SNX2: variants seen among roughly 807,000 people sequenced by gnomAD.
The protein encoded by SNX2 is sorting nexin-2.
Under a neutral mutation model 69.9 loss-of-function variants are expected in SNX2, and 25 were observed. That is an observed-to-expected ratio of 0.36 (90% CI 0.26 to 0.50). The LOEUF (loss-of-function observed/expected upper bound fraction) is 0.50, where lower values mean the gene tolerates loss of function less well. Ranked by LOEUF, SNX2 falls within the 20% of genes least tolerant of loss-of-function variation. SNX2 has a pLI of 0.97. For missense variants in SNX2, 551 were observed against 613.3 expected (o/e 0.90, Z 1.07); for synonymous variants, 229 against 200.4 (o/e 1.14, Z -1.20).
chr5:122,802,055 A>G, intron 4 of SNX2, 26 bp from the exon 5 acceptor site: 1 of 1,603,594 alleles, frequency 6.2e-7, no homozygotes. Context: ...TGTGATTTTA[A>G]TAGTAGTGTT....
chr5:122,812,249 A>G (rs1686589038), intron 7 of SNX2, among the ~76,000 whole-genome samples: 1 of 152,166 alleles, frequency 6.6e-6, no homozygotes, highest in South Asian at 2.1e-4. Context: ...AGTCCTTTTA[A>G]TGGACTACAA....
At chr5:122,825,066 A>G (rs1474095398) in intron 11 of SNX2, among the ~76,000 whole-genome samples, 1 of 152,108 alleles carries the variant, frequency 6.6e-6, no homozygotes, top group East Asian at 1.9e-4. Flanking sequence ...TTAAAAATAT[A>G]CTACCTACAT....
intron 7 of SNX2, among the ~76,000 whole-genome samples, chr5:122,809,610 T>G (rs534656837): frequency 6.6e-6 from 1 of 152,324 alleles, no homozygotes; most frequent in East Asian, 1.9e-4. Flanking sequence ...TTTTTTTGTT[T>G]GCTTGCTCTT....
intron 14 of SNX2, among the ~76,000 whole-genome samples, chr5:122,828,879 G>A (rs1371869613): frequency 6.6e-6 from 1 of 152,164 alleles, no homozygotes; most frequent in Non-Finnish European, 1.5e-5. Flanking sequence ...AGCACATTGG[G>A]AGGCCGAGGC....
intron 1 of SNX2, among the ~76,000 whole-genome samples, chr5:122,788,002 C>G (rs1005163535): frequency 1.3e-5 from 2 of 152,100 alleles, no homozygotes; most frequent in Admixed American, 6.6e-5. Flanking sequence ...TTTTCCTTTA[C>G]CCAAGGTTTG....
At chr5:122,826,548 C>G in intron 12 of SNX2, 1 of 395,392 alleles carries the variant, frequency 2.5e-6, no homozygotes, top group Non-Finnish European at 3.4e-6. Flanking sequence ...GCAACATTAT[C>G]CCCCATATAT....
chr5:122,811,690 G>C (rs1470096740), intron 7 of SNX2, among the ~76,000 whole-genome samples: 1 of 152,074 alleles, frequency 6.6e-6, no homozygotes, highest in African/African-American at 2.4e-5. Context: ...AATTGGCTGG[G>C]TGTGGTGGCG....
At chr5:122,785,571 T>C (rs1753067201) in intron 1 of SNX2, among the ~76,000 whole-genome samples, 2 of 152,208 alleles carry the variant, frequency 1.3e-5, no homozygotes, top group Admixed American at 1.3e-4. Flanking sequence ...CCACAAATTT[T>C]GATAAATGTG....
At chr5:122,792,860 T>C (rs1236773969) in intron 1 of SNX2, among the ~76,000 whole-genome samples, 2 of 152,128 alleles carry the variant, frequency 1.3e-5, no homozygotes, top group African/African-American at 4.8e-5. Flanking sequence ...AAATTCCCTT[T>C]AAACATATGA....
Position 122,775,117 on chromosome 5 carries a change from G to C in SNX2, c.14G>C (p.Arg5Thr). The C allele has an allele frequency of 6.3e-7, 1 of 1,590,816 alleles. No individual in the cohort carries two copies. Among genetic ancestry groups the C allele is most frequent in the South Asian group, 1.2e-5 (1 of 86,584 alleles). Reference sequence around the variant, plus strand: ...GGGTGAGCGAAGATGGCGGCCGAGAGGGAACCTCCTCCGCTGGGGGACGGG... The same window carrying C: ...GGGTGAGCGAAGATGGCGGCCGAGACGGAACCTCCTCCGCTGGGGGACGGG... MAAE[R>T]EPPPLGDGKP... Residue 5 changes from arginine to threonine, a missense_variant, in exon 1 of 15, where the codon AGG (arginine) becomes ACG (threonine). Arg to Thr is a moderately conservative substitution (Grantham distance 71, BLOSUM62 -1). Transcript: ENST00000379516.
At chr5:122,776,935 AAC>A (rs1364875468) in intron 1 of SNX2, among the ~76,000 whole-genome samples, 3 of 152,234 alleles carry the variant, frequency 2.0e-5, no homozygotes, top group African/African-American at 7.2e-5. Context: ...AAAAGTTGTA[AAC>A]ACATTTGTTT....
intron 1 of SNX2, among the ~76,000 whole-genome samples, chr5:122,785,797 T>C (rs1753071345): frequency 6.6e-6 from 1 of 152,184 alleles, no homozygotes; most frequent in Non-Finnish European, 1.5e-5. Flanking sequence ...GCCCAGAACA[T>C]GTTCTATTAT....
chr5:122,809,339 A>C (rs1173912747), intron 7 of SNX2, among the ~76,000 whole-genome samples: 1 of 152,156 alleles, frequency 6.6e-6, no homozygotes, highest in Non-Finnish European at 1.5e-5. Context: ...GCTATACTTA[A>C]AGACTAATAT....
At chr5:122,781,498 G>A (rs890415806) in intron 1 of SNX2, among the ~76,000 whole-genome samples, 3 of 152,200 alleles carry the variant, frequency 2.0e-5, no homozygotes, top group Non-Finnish European at 4.4e-5. Context: ...GTGAGCATGA[G>A]TTTTCAGTTT....
chr5:122,817,441 A>G (rs1046742373), intron 10 of SNX2, 68 bp downstream of exon 10: 2 of 977,302 alleles, frequency 2.0e-6, no homozygotes, highest in African/African-American at 3.3e-5. Context: ...TTTAAATTTT[A>G]TGAAAATAAA....
At chr5:122,814,119 T>C (rs1365444034) in intron 7 of SNX2, among the ~76,000 whole-genome samples, 1 of 152,148 alleles carries the variant, frequency 6.6e-6, no homozygotes, top group Non-Finnish European at 1.5e-5. Flanking sequence ...TTTTTGTTTG[T>C]TTTTTACAAG....
chr5:122,782,469 C>A (rs887323086), intron 1 of SNX2, among the ~76,000 whole-genome samples: 1 of 152,010 alleles, frequency 6.6e-6, no homozygotes, highest in African/African-American at 2.4e-5. Context: ...GAACTCCTAA[C>A]CTCAGGCAGT....
intron 1 of SNX2, among the ~76,000 whole-genome samples, chr5:122,782,998 G>A (rs1418114682): frequency 1.3e-5 from 2 of 149,716 alleles, no homozygotes; most frequent in African/African-American, 2.5e-5. Flanking sequence ...GTGCAGTGGC[G>A]TGATCTCGGC....
chr5:122,775,004 C>T (rs1358463486), upstream of SNX2: 3 of 1,190,226 alleles, frequency 2.5e-6, no homozygotes, highest in African/African-American at 3.5e-5. Flanking sequence ...AGAGGCCGGC[C>T]GGGGGCGGGG....
Sources: gnomAD v4.1 joint callset for allele counts (sites outside exome capture counted in the v4.1 genomes callset) on GRCh38, gnomAD v4.1.1 for gene constraint, MANE v1.5 for transcripts, NCBI Gene and HGNC (gene_info 2026-07-23, HGNC 2026-07-21) for gene names.